MGAT4A: variants seen among roughly 807,000 people sequenced by gnomAD.
The protein encoded by MGAT4A is N-acetylglucosaminyltransferase IVa.
A neutral mutation model predicts 74.1 loss-of-function variants in MGAT4A; 33 were observed. The observed-to-expected ratio is 0.45, with a 90% CI of 0.34 to 0.60. The LOEUF (loss-of-function observed/expected upper bound fraction) is 0.60. MGAT4A is among the 20% of genes least tolerant of loss of function. The probability of loss-of-function intolerance (pLI) is 0.02; values close to 1 mark genes in which losing one functional copy is unlikely to be tolerated. For synonymous variants in MGAT4A, 198 were observed against 210.4 expected, an observed-to-expected ratio of 0.94 and a Z score of 0.51; for missense variants, 479 against 628.3, an observed-to-expected ratio of 0.76 and a Z score of 2.54.
intron 4 of MGAT4A, among the ~76,000 whole-genome samples, chr2:98,673,052 T>C (rs767574848): frequency 2.6e-5 from 4 of 152,120 alleles, no homozygotes; most frequent in Non-Finnish European, 4.4e-5. Flanking sequence ...TCGCTGGGTT[T>C]GTTTGCCGCA....
chr2:98,649,639 A>G (rs751392005), intron 8 of MGAT4A, among the ~76,000 whole-genome samples: 6 of 152,120 alleles, frequency 3.9e-5, no homozygotes, highest in Non-Finnish European at 7.4e-5. Flanking sequence ...GCAGCTTACT[A>G]CAATACCAAC....
intron 14 of MGAT4A, among the ~76,000 whole-genome samples, chr2:98,630,881 A>T (rs1265558985): frequency 6.6e-6 from 1 of 152,218 alleles, no homozygotes; most frequent in Admixed American, 6.5e-5. Flanking sequence ...TCAAACTACA[A>T]ACTTAACCTT....
intron 2 of MGAT4A, among the ~76,000 whole-genome samples, chr2:98,681,866 A>G (rs1431900542): frequency 6.6e-6 from 1 of 152,194 alleles, no homozygotes; most frequent in African/African-American, 2.4e-5. Flanking sequence ...TGCCAGCAAG[A>G]AAGTATTACC....
Position 98,622,185 on chromosome 2 carries a change from T to C in MGAT4A, c.*3381A>G. The C allele has an allele frequency of 1.0e-6, 1 of 985,492 alleles. No individual in the cohort carries two copies. The highest frequency in any genetic ancestry group is 1.2e-6 in the Non-Finnish European group (1 of 829,950). The allele number at this position is 985,492 out of a possible 1,614,324, so 61.0% of individuals were successfully genotyped here. ...TTGCATTATGTTCTATTCCCATGTC[T>C]GCTTTTAACCTCATGAGAATGTATT... On this transcript the variant is annotated 3_prime_UTR_variant, in exon 16 of 16. Transcript: ENST00000393487.
At chr2:98,663,673 T>G (rs1339267405) in intron 4 of MGAT4A, among the ~76,000 whole-genome samples, 1 of 152,062 alleles carries the variant, frequency 6.6e-6, no homozygotes, top group African/African-American at 2.4e-5. Context: ...CTCTTTAAAG[T>G]GTCAAGGTCA....
chr2:98,684,737 C>T (rs1222427713), intron 2 of MGAT4A, among the ~76,000 whole-genome samples: 1 of 152,124 alleles, frequency 6.6e-6, no homozygotes, highest in Non-Finnish European at 1.5e-5. Context: ...TGAATAAAAA[C>T]AGACCAGAGA....
At chr2:98,717,461 T>C (rs936926967) in intron 2 of MGAT4A, among the ~76,000 whole-genome samples, 7 of 152,018 alleles carry the variant, frequency 4.6e-5, no homozygotes, top group Admixed American at 4.6e-4. Context: ...CATGGGATCC[T>C]AGATTGGACT....
chr2:98,643,415 A>C (rs982400875), intron 10 of MGAT4A, among the ~76,000 whole-genome samples: 1 of 152,232 alleles, frequency 6.6e-6, no homozygotes, highest in African/African-American at 2.4e-5. Flanking sequence ...GACTGCAACT[A>C]TTATCCCAAA....
intron 2 of MGAT4A, among the ~76,000 whole-genome samples, chr2:98,685,214 G>A (rs1702112237): frequency 6.6e-6 from 1 of 150,592 alleles, no homozygotes; most frequent in Non-Finnish European, 1.5e-5. Context: ...TGCAGCCTGG[G>A]TGATAGAGCA....
chr2:98,668,780 A>G (rs1005908355), intron 4 of MGAT4A, among the ~76,000 whole-genome samples: 1 of 152,242 alleles, frequency 6.6e-6, no homozygotes, highest in Non-Finnish European at 1.5e-5. Context: ...GCTGCCCAAG[A>G]CCATGGGAAC....
chr2:98,667,572 C>T (rs868692016), intron 4 of MGAT4A, among the ~76,000 whole-genome samples: 4 of 152,220 alleles, frequency 2.6e-5, no homozygotes, highest in Middle Eastern at 3.4e-3. Flanking sequence ...AGCATTTTGC[C>T]CCTGCCCTAG....
intron 2 of MGAT4A, among the ~76,000 whole-genome samples, chr2:98,687,834 G>T (rs561357053): frequency 6.6e-6 from 1 of 152,158 alleles, no homozygotes; most frequent in Admixed American, 6.5e-5. Flanking sequence ...TCCAGGCTGC[G>T]GCACTCCCAC....
At position 98,639,822 on chromosome 2, in the gene MGAT4A, T is replaced by A. The variant is rs1701378530; in HGVS notation, c.1308A>T (p.Pro436=). ...TAATCACCAACCTTTCTACATTGACTGGTTTATCAAATTTAAACAAGATGT... is the reference window on the plus strand; with the variant it reads ...TAATCACCAACCTTTCTACATTGACAGGTTTATCAAATTTAAACAAGATGT... ...GDYILFKFDK[P]VNVESYLFHS... Residue 436 remains proline (P), a synonymous_variant, in exon 12 of 16, where the codon CCA becomes CCT. Coordinates refer to ENST00000393487, the MANE Select transcript of MGAT4A (RefSeq NM_012214.3). 6.2e-7 allele frequency: 1 copy of A among 1,611,394 alleles called. No homozygotes were observed. The highest frequency in any genetic ancestry group is 1.3e-5 in the African/African-American group (1 of 74,894).
chr2:98,649,539 G>GGCCCT (rs1289521175), intron 8 of MGAT4A, among the ~76,000 whole-genome samples: 1 of 152,146 alleles, frequency 6.6e-6, no homozygotes, highest in Non-Finnish European at 1.5e-5. Context: ...TCAGGAACAG[G>GGCCCT]GCACCAGGTT....
chr2:98,673,821 C>T (rs1397131824), intron 4 of MGAT4A, among the ~76,000 whole-genome samples: 2 of 151,978 alleles, frequency 1.3e-5, no homozygotes, highest in Admixed American at 6.5e-5. Context: ...ACATCTTACC[C>T]AAAAAGTGAC....
intron 2 of MGAT4A, among the ~76,000 whole-genome samples, chr2:98,679,866 G>C (rs551471858): frequency 6.6e-6 from 1 of 152,148 alleles, no homozygotes; most frequent in Admixed American, 6.5e-5. Context: ...CTGAGAGATG[G>C]TGGAAGAAGC....
chr2:98,636,805 G>A (rs1418645058), intron 12 of MGAT4A, among the ~76,000 whole-genome samples: 2 of 152,294 alleles, frequency 1.3e-5, no homozygotes, highest in South Asian at 2.1e-4. Context: ...TAGGTGATAA[G>A]TTCATTCCTT....
chr2:98,729,407 A>G (rs1702812016), intron 1 of MGAT4A, among the ~76,000 whole-genome samples: 1 of 152,230 alleles, frequency 6.6e-6, no homozygotes, highest in Non-Finnish European at 1.5e-5. Context: ...CAATTATGAG[A>G]CATAATTCAC....
intron 6 of MGAT4A, among the ~76,000 whole-genome samples, chr2:98,657,009 T>C (rs1280099309): frequency 1.3e-5 from 2 of 152,204 alleles, no homozygotes; most frequent in African/African-American, 4.8e-5. Flanking sequence ...TTGCCACAAC[T>C]GTGATCAGTA....
Sources: gnomAD v4.1 joint callset for allele counts (sites outside exome capture counted in the v4.1 genomes callset) on GRCh38, gnomAD v4.1.1 for gene constraint, MANE v1.5 for transcripts, NCBI Gene and HGNC (gene_info 2026-07-23, HGNC 2026-07-21) for gene names.